The following CDH23 variants were observed in gnomAD, a reference collection of about 807,000 sequenced individuals.
CDH23 encodes cadherin related 23.
A neutral mutation model predicts 317.1 loss-of-function variants in CDH23; 189 were observed. The observed-to-expected ratio is 0.60, with a 90% CI of 0.53 to 0.67. The LOEUF (loss-of-function observed/expected upper bound fraction) is 0.67, where lower values mean the gene tolerates loss of function less well. Among genes scored for constraint, CDH23 ranks in the 30% least tolerant of loss-of-function variants. The pLI, the probability that CDH23 is intolerant of heterozygous loss-of-function variation, is 0.00. For missense variants in CDH23, 4,401 were observed against 4,592.4 expected (o/e 0.96, Z 1.20); for synonymous variants, 1,839 against 1,876.8 (o/e 0.98, Z 0.52).
chr10:71,598,608 GAGA>G (rs1238841951), intron 9 of CDH23, among the ~76,000 whole-genome samples: 1 of 152,224 alleles, frequency 6.6e-6, no homozygotes, highest in Non-Finnish European at 1.5e-5. Flanking sequence ...CCATGTAATT[GAGA>G]AGGACACCAG....
chr10:71,800,500 T>G, intron 52 of CDH23, 136 bp from the exon 53 acceptor site: 1 of 1,090,134 alleles, frequency 9.2e-7, no homozygotes, highest in South Asian at 1.6e-5. Flanking sequence ...AATGGGAGCT[T>G]GCTGGGGGCA....
At chr10:71,529,257 G>T (rs1197602772) in intron 6 of CDH23, among the ~76,000 whole-genome samples, 1 of 152,176 alleles carries the variant, frequency 6.6e-6, no homozygotes, top group African/African-American at 2.4e-5. Context: ...AAGCAGCCAG[G>T]GCCATGGGCC....
chr10:71,763,901 T>C (rs1564782531), intron 38 of CDH23, among the ~76,000 whole-genome samples: 3 of 152,124 alleles, frequency 2.0e-5, no homozygotes, highest in Admixed American at 1.3e-4. Flanking sequence ...TGTGATCCGA[T>C]CCTGGGGCGC....
chr10:71,677,610 A>G lies in CDH23; in HGVS notation c.1669A>G (p.Asn557Asp), dbSNP rs1864428370. 6.2e-7 allele frequency: 1 copy of G among 1,604,174 alleles called. No homozygotes were observed. The highest frequency in any genetic ancestry group is 1.7e-5 in the Admixed American group (1 of 58,708). The change falls in exon 16 of 70, where the codon AAC becomes GAC. Residue 557 changes from asparagine to aspartate, a missense_variant. Asn to Asp is a conservative substitution (Grantham distance 23). Around this residue, in one of 3 missense-constraint regions of CDH23, gnomAD observed 3,068 missense variants for 3,203.3 expected, o/e 0.96. Transcript: ENST00000224721. The stretch of plus-strand genomic sequence containing the variant: ...GATCAATGTGTTGGATGTCAACGAC[A>G]ACGTGCCCACCTTCCAGAAGGATGC... ...VRINVLDVND[N>D]VPTFQKDAYV...
At chr10:71,468,975 G>C (rs923119607) in intron 3 of CDH23, among the ~76,000 whole-genome samples, 6 of 152,156 alleles carry the variant, frequency 3.9e-5, no homozygotes, top group African/African-American at 1.2e-4. Context: ...CTGTGGGCCT[G>C]AGGGAGGCTC....
At position 71,731,958 on chromosome 10, in the gene CDH23, G is replaced by A. The variant is rs370034203; in HGVS notation, c.3716-29G>A. 1.2e-5 allele frequency: 19 copies of A among 1,604,368 alleles called. No individual in the cohort carries two copies. The African/African-American group carries it at 1.3e-4, about 11-fold the overall frequency. On this transcript the variant is annotated intron_variant, in intron 31 of 69. Coordinates refer to ENST00000224721, the MANE Select transcript of CDH23 (RefSeq NM_022124.6). ...CGCAGCCCCACTCAGTTCTATCTGG[G>A]ACTGCACAGCCTCTGTGTCCTCCTA... is the stretch of plus-strand genomic sequence containing the variant.
chr10:71,619,786 A>G (rs1861378211), intron 11 of CDH23, among the ~76,000 whole-genome samples: 1 of 152,136 alleles, frequency 6.6e-6, no homozygotes, highest in South Asian at 2.1e-4. Context: ...AAGCCAAGGA[A>G]TTGAGGCTTG....
At chr10:71,464,433 A>G (rs904487005) in intron 3 of CDH23, among the ~76,000 whole-genome samples, 8 of 152,126 alleles carry the variant, frequency 5.3e-5, no homozygotes, top group African/African-American at 1.9e-4. Context: ...GTGTCTCCCT[A>G]CCTGCAGGGA....
chr10:71,513,105 G>GGT (rs1854084911), intron 6 of CDH23, among the ~76,000 whole-genome samples: 4 of 152,198 alleles, frequency 2.6e-5, no homozygotes, highest in African/African-American at 9.6e-5. Flanking sequence ...AGGCTGAGAG[G>GGT]AGCCAGCTGC....
At chr10:71,445,997 T>C (rs1850146040) in intron 2 of CDH23, among the ~76,000 whole-genome samples, 1 of 152,228 alleles carries the variant, frequency 6.6e-6, no homozygotes, top group Non-Finnish European at 1.5e-5. Context: ...TTTACACTAA[T>C]TTTTTTCATA....
At chr10:71,732,634 T>C in intron 32 of CDH23, 2 of 1,398,338 alleles carry the variant, frequency 1.4e-6, no homozygotes, top group Non-Finnish European at 1.9e-6. Flanking sequence ...CCTTGTCTCT[T>C]ACAAAGAAAC....
chr10:71,800,690 C>T lies in CDH23; in HGVS notation c.7417C>T (p.Leu2473=). The T allele has an allele frequency of 6.2e-7, 1 of 1,613,986 alleles. No homozygotes were observed. The highest frequency in any genetic ancestry group is 8.5e-7 in the Non-Finnish European group (1 of 1,179,890). The change falls in exon 53 of 70, where the codon CTG becomes TTG. Residue 2473 remains leucine, a synonymous_variant. Coordinates refer to ENST00000224721, the MANE Select transcript of CDH23 (RefSeq NM_022124.6). ...CCGGGAGAAGAAGGACCACTATATCCTGACTGCCTTGGCCAAAGACAACCC... is the reference window on the plus strand; with the variant it reads ...CCGGGAGAAGAAGGACCACTATATCTTGACTGCCTTGGCCAAAGACAACCC... ...LDREKKDHYI[L]TALAKDNPGD... is the part of the protein sequence containing the mutation.
rs373051325 is a variant in CDH23, at chr10:71,677,420, G to A, written c.1515-36G>A. ...CATCAACAAGCCTGTTTTAAACCAC[G>A]GTGTTCCTTCTCTCCATCCTCTCGG... On this transcript the variant is annotated intron_variant, in intron 15 of 69. Coordinates refer to ENST00000224721, the MANE Select transcript of CDH23 (RefSeq NM_022124.6). The A allele has an allele frequency of 6.5e-5, 100 of 1,535,150 alleles. 2 individuals are homozygous for A. The Middle Eastern group carries it at 6.8e-4, about 10-fold the overall frequency.
chr10:71,798,333 C>A, intron 49 of CDH23, 21 bp from the exon 50 acceptor site: 2 of 1,586,040 alleles, frequency 1.3e-6, no homozygotes, highest in Non-Finnish European at 1.7e-6. Context: ...CCCTCTCCCT[C>A]ACTCCCTGCC....
chr10:71,519,447 G>A (rs946699830), intron 6 of CDH23, among the ~76,000 whole-genome samples: 2 of 152,240 alleles, frequency 1.3e-5, no homozygotes, highest in Admixed American at 1.3e-4. Context: ...TCCAGGCAGT[G>A]GGGCACCCCA....
intron 9 of CDH23, among the ~76,000 whole-genome samples, chr10:71,591,305 C>T (rs1047786708): frequency 2.6e-5 from 4 of 152,202 alleles, no homozygotes; most frequent in Admixed American, 1.3e-4. Context: ...AACATTGAAT[C>T]ACACAAAGAG....
At chr10:71,733,227 A>G (rs1839448831) in intron 32 of CDH23, among the ~76,000 whole-genome samples, 1 of 152,242 alleles carries the variant, frequency 6.6e-6, no homozygotes, top group Non-Finnish European at 1.5e-5. Context: ...GAAGAGACAC[A>G]CAGAGCAAGG....
At chr10:71,698,062 G>A (rs1237611471) in intron 22 of CDH23, among the ~76,000 whole-genome samples, 1 of 152,198 alleles carries the variant, frequency 6.6e-6, no homozygotes, top group African/African-American at 2.4e-5. Context: ...ATGAAATTTA[G>A]TGTTTGTGAA....
intron 48 of CDH23, 184 bp from the exon 49 acceptor site, chr10:71,796,920 G>T: frequency 1.8e-6 from 1 of 552,998 alleles, no homozygotes; most frequent in Admixed American, 2.8e-5. Flanking sequence ...ATCATGGGAG[G>T]GGCAGAGCCA....
Sources: allele counts gnomAD v4.1 joint callset (sites outside exome capture counted in the v4.1 genomes callset), GRCh38; gene constraint gnomAD v4.1.1; regional missense constraint gnomAD v4.1.1; transcripts MANE v1.5; gene names NCBI Gene and HGNC (gene_info 2026-07-23, HGNC 2026-07-21).